MYO5B: variants seen among roughly 807,000 people sequenced by gnomAD.
MYO5B encodes myosin VB, also known as unconventional myosin-Vb.
A neutral mutation model predicts 229.3 loss-of-function variants in MYO5B; 143 were observed. That is an observed-to-expected ratio of 0.62 (90% confidence interval 0.54 to 0.72). MYO5B has a LOEUF of 0.72. MYO5B is among the 30% of genes least tolerant of loss of function. MYO5B has a pLI of 0.00. For missense variants in MYO5B, 2,321 were observed against 2,331.0 expected, an observed-to-expected ratio of 1.00 and a Z score of 0.09; for synonymous variants, 918 against 885.2, an observed-to-expected ratio of 1.04 and a Z score of -0.66.
At chr18:50,165,706 G>A in intron 1 of MYO5B, among the ~76,000 whole-genome samples, 1 of 152,136 alleles carries the variant, frequency 6.6e-6, no homozygotes, top group African/African-American at 2.4e-5. Flanking sequence ...AACCCAGGAA[G>A]CAGAGGTTGC....
rs1341504152 is a variant in MYO5B at position 50,036,884 on chromosome 18, C to T, written c.421G>A (p.Ala141Thr). Residue 141 changes from alanine (A) to threonine (T), a missense_variant, in exon 4 of 40, where the codon GCT becomes ACT. By Grantham distance (58) the Ala-to-Thr change is moderately conservative. Transcript: ENST00000285039. The part of the protein sequence containing the change: ...NMGDMDPHIF[A>T]VAEEAYKQMA... ...TGCTTGTAGGCTTCTTCTGCCACAG[C>T]AAAGATGTGGGGGTCCATGTCTCCC... The T allele has an allele frequency of 6.2e-7, 1 of 1,614,120 alleles. No individual in the cohort carries two copies. The highest frequency in any genetic ancestry group is 1.7e-5 in the Admixed American group (1 of 60,014).
chr18:49,852,232 T>C (rs1439342664), intron 31 of MYO5B, among the ~76,000 whole-genome samples: 1 of 152,236 alleles, frequency 6.6e-6, no homozygotes, highest in Non-Finnish European at 1.5e-5. Flanking sequence ...GCCCTCTTTA[T>C]AGGGTGATTG....
intron 1 of MYO5B, among the ~76,000 whole-genome samples, chr18:50,131,352 T>C (rs1385980281): frequency 6.6e-6 from 1 of 152,178 alleles, no homozygotes; most frequent in African/African-American, 2.4e-5. Context: ...ATTTGTACCA[T>C]GAGTCTTTGA....
intron 4 of MYO5B, among the ~76,000 whole-genome samples, chr18:50,014,861 A>C (rs2026200549): frequency 6.6e-6 from 1 of 152,238 alleles, no homozygotes; most frequent in African/African-American, 2.4e-5. Context: ...TGTGTAACTA[A>C]GTGTAAGAAA....
intron 27 of MYO5B, among the ~76,000 whole-genome samples, chr18:49,866,974 A>C (rs574892997): frequency 4.2e-4 from 64 of 152,178 alleles, no homozygotes; most frequent in Non-Finnish European, 7.3e-4. Context: ...CCAGGTACAA[A>C]GGCCTCAGAG....
chr18:50,181,487 C>G (rs915983236), intron 1 of MYO5B, among the ~76,000 whole-genome samples: 2 of 152,200 alleles, frequency 1.3e-5, no homozygotes, highest in East Asian at 3.8e-4. Context: ...ACTCAACCAG[C>G]TTAGTTGTGT....
intron 9 of MYO5B, among the ~76,000 whole-genome samples, chr18:49,978,664 T>A (rs1256284932): frequency 6.7e-6 from 1 of 148,572 alleles, no homozygotes; most frequent in East Asian, 2.0e-4. Flanking sequence ...GTTTGGAGTG[T>A]CACAAAGGAG....
intron 1 of MYO5B, among the ~76,000 whole-genome samples, chr18:50,166,337 G>A (rs1468912100): frequency 6.6e-6 from 1 of 152,174 alleles, no homozygotes; most frequent in Non-Finnish European, 1.5e-5. Context: ...GGTAACAGCA[G>A]CCCAAATTAT....
intron 1 of MYO5B, among the ~76,000 whole-genome samples, chr18:50,153,604 C>T (rs1439281669): frequency 6.6e-6 from 1 of 152,170 alleles, no homozygotes; most frequent in Admixed American, 6.5e-5. Context: ...TGCATGCCAC[C>T]ACGCCTGGCT....
In MYO5B at chr18:49,954,400, C is replaced by T. The variant is rs2025468421; in HGVS notation, c.1581G>A (p.Lys527=). Residue 527 remains lysine, a synonymous_variant, in exon 13 of 40, where the codon AAG becomes AAA. Transcript: ENST00000285039. ...GGCTGCTGGAGTGCCGGTCATAGAG[C>T]TTCTGAGCCCAGTTCTGGTCAGTTC... ...PKGTDQNWAQ[K]LYDRHSSSQH... 2 of 1,614,010 alleles carry T rather than the reference C, an allele frequency of 1.2e-6. No homozygotes were observed. Among genetic ancestry groups the T allele is most frequent in the Non-Finnish European group, 1.7e-6 (2 of 1,179,980 alleles).
intron 14 of MYO5B, among the ~76,000 whole-genome samples, chr18:49,947,771 G>A (rs749253124): frequency 6.6e-6 from 1 of 152,068 alleles, no homozygotes. Context: ...CTGTACATAG[G>A]GACTGGCTTT....
intron 1 of MYO5B, among the ~76,000 whole-genome samples, chr18:50,055,734 C>G (rs867549546): frequency 6.6e-6 from 1 of 152,130 alleles, no homozygotes; most frequent in Non-Finnish European, 1.5e-5. Flanking sequence ...ATTTAGCAGG[C>G]TACAAACAAA....
chr18:50,022,714 A>G (rs1441213426), intron 4 of MYO5B, among the ~76,000 whole-genome samples: 1 of 152,208 alleles, frequency 6.6e-6, no homozygotes, highest in East Asian at 1.9e-4. Flanking sequence ...GTCAGAGAGA[A>G]TTCAGGATGT....
chr18:50,136,353 T>C (rs984667401), intron 1 of MYO5B, among the ~76,000 whole-genome samples: 3 of 132,750 alleles, frequency 2.3e-5, no homozygotes, highest in Non-Finnish European at 4.6e-5. Context: ...TTGTTTTTTG[T>C]TTTTTTTTTA....
intron 27 of MYO5B, among the ~76,000 whole-genome samples, chr18:49,870,172 C>T (rs915572418): frequency 3.3e-5 from 5 of 152,180 alleles, no homozygotes; most frequent in Non-Finnish European, 5.9e-5. Context: ...ATGACACACC[C>T]TCCTATGCCA....
At chr18:50,030,607 G>A (rs777877143) in intron 4 of MYO5B, among the ~76,000 whole-genome samples, 7 of 151,990 alleles carry the variant, frequency 4.6e-5, no homozygotes, top group East Asian at 1.9e-4. Context: ...TATCCTTGCC[G>A]AGCACAGGCT....
intron 20 of MYO5B, among the ~76,000 whole-genome samples, chr18:49,904,132 A>G: frequency 6.6e-6 from 1 of 152,230 alleles, no homozygotes; most frequent in Non-Finnish European, 1.5e-5. Context: ...TTCAAAACTC[A>G]TGTTGAAATC....
At chr18:49,856,254 T>C (rs758447950) in intron 30 of MYO5B, among the ~76,000 whole-genome samples, 15 of 152,324 alleles carry the variant, frequency 9.8e-5, no homozygotes, top group Non-Finnish European at 1.0e-4. Flanking sequence ...ATGAAGGTGC[T>C]GTGAGGCCAG....
chr18:49,934,131 C>G (rs183993113), intron 16 of MYO5B, among the ~76,000 whole-genome samples: 1 of 152,334 alleles, frequency 6.6e-6, no homozygotes, highest in African/African-American at 2.4e-5. Context: ...CTGCCTTGGC[C>G]TCTCAAAGCA....
Sources: gnomAD v4.1 joint callset for allele counts (sites outside exome capture counted in the v4.1 genomes callset) on GRCh38, gnomAD v4.1.1 for gene constraint, MANE v1.5 for transcripts, NCBI Gene and HGNC (gene_info 2026-07-23, HGNC 2026-07-21) for gene names.